Variants in TOM1L1 observed in about 807,000 individuals in gnomAD.
TOM1L1 encodes the protein TOM1-like protein 1.
In TOM1L1, 64 loss-of-function variants were observed where a neutral mutation model predicts 63.4. The ratio of observed to expected loss-of-function variants is 1.01; its 90% CI spans 0.83 to 1.24. The LOEUF is 1.24. Ranked by LOEUF, TOM1L1 falls within the 50% of genes most tolerant of loss-of-function variation. TOM1L1 has a pLI of 0.00. For synonymous variants in TOM1L1, 166 were observed against 194.4 expected, an observed-to-expected ratio of 0.85 and a Z score of 1.22; for missense variants, 536 against 567.0, an observed-to-expected ratio of 0.95 and a Z score of 0.55.
intron 7 of TOM1L1, among the ~76,000 whole-genome samples, chr17:54,921,479 T>C (rs7213644): frequency 0.6 from 91,783 of 151,978 alleles, 28,203 homozygotes; most frequent in African/African-American, 0.69. Flanking sequence ...GTGGCTCACA[T>C]CTGTAATCCC....
intron 3 of TOM1L1, among the ~76,000 whole-genome samples, chr17:54,911,664 G>A (rs1371454660): frequency 6.6e-6 from 1 of 152,006 alleles, no homozygotes; most frequent in African/African-American, 2.4e-5. Flanking sequence ...TCCTTTTCTT[G>A]TACCCACATC....
intron 1 of TOM1L1, chr17:54,901,180 A>C: frequency 1.8e-6 from 1 of 560,600 alleles, no homozygotes; most frequent in East Asian, 3.0e-5. Context: ...GGAACCAAAC[A>C]GGTGAACCGC....
chr17:54,952,781 T>G (rs1218030437), intron 14 of TOM1L1: 1 of 152,278 alleles, frequency 6.6e-6, no homozygotes, highest in African/African-American at 2.4e-5. Context: ...GCCCCAAGTC[T>G]GGAACTTCCC....
intron 3 of TOM1L1, among the ~76,000 whole-genome samples, chr17:54,908,856 A>C (rs2048453657): frequency 6.6e-6 from 1 of 152,132 alleles, no homozygotes; most frequent in Non-Finnish European, 1.5e-5. Context: ...TTTGTGGAGC[A>C]CCCCCTAAGC....
At chr17:54,931,146 G>C (rs902803848) in intron 8 of TOM1L1, among the ~76,000 whole-genome samples, 6 of 152,196 alleles carry the variant, frequency 3.9e-5, no homozygotes, top group Admixed American at 2.0e-4. Flanking sequence ...TTTCTAATCA[G>C]CTGATAAAGA....
At chr17:54,905,451 T>C (rs372242794) in intron 2 of TOM1L1, 38 bp from the exon 3 acceptor site, 292 of 1,368,278 alleles carry the variant, frequency 2.1e-4, no homozygotes, top group Non-Finnish European at 2.9e-4. Flanking sequence ...TTTTCAGCAA[T>C]GCCTAAATTG....
At chr17:54,952,361 A>T (rs1359812225) in intron 14 of TOM1L1, 9 of 152,058 alleles carry the variant, frequency 5.9e-5, no homozygotes, top group African/African-American at 2.2e-4. Context: ...AGCCTGGGCA[A>T]CATGGTGAAA....
chr17:54,906,338 G>A (rs932553601), intron 3 of TOM1L1, among the ~76,000 whole-genome samples: 18 of 151,970 alleles, frequency 1.2e-4, no homozygotes, highest in Admixed American at 3.3e-4. Flanking sequence ...GCGTGGTGGC[G>A]TGTGCCTGTA....
intron 14 of TOM1L1, among the ~76,000 whole-genome samples, chr17:54,960,039 T>C (rs1359550196): frequency 6.6e-6 from 1 of 152,166 alleles, no homozygotes; most frequent in African/African-American, 2.4e-5. Context: ...ATTGGTTCTA[T>C]GAAATACATA....
intron 7 of TOM1L1, 112 bp downstream of exon 7, chr17:54,915,974 TC>T (rs765333904): frequency 1.9e-5 from 13 of 693,242 alleles, no homozygotes; most frequent in Non-Finnish European, 2.9e-5. Flanking sequence ...TCCTCCTACA[TC>T]CTGATTTCAG....
At chr17:54,932,205 C>T (rs1321577950) in intron 8 of TOM1L1, among the ~76,000 whole-genome samples, 3 of 152,174 alleles carry the variant, frequency 2.0e-5, no homozygotes, top group Admixed American at 1.3e-4. Flanking sequence ...AATTCCTGTC[C>T]GTTTTAAGGG....
At chr17:54,904,025 T>C (rs2048369621) in intron 2 of TOM1L1, among the ~76,000 whole-genome samples, 1 of 152,156 alleles carries the variant, frequency 6.6e-6, no homozygotes, top group African/African-American at 2.4e-5. Flanking sequence ...GCAGTTTCTT[T>C]AATAGTTTCA....
intron 8 of TOM1L1, among the ~76,000 whole-genome samples, chr17:54,935,331 T>C (rs974517063): frequency 7.2e-5 from 11 of 152,120 alleles, no homozygotes; most frequent in African/African-American, 2.2e-4. Flanking sequence ...CACAAGGTAA[T>C]GTCATCAGTT....
intron 7 of TOM1L1, among the ~76,000 whole-genome samples, chr17:54,920,941 C>T (rs183302706): frequency 2.8e-4 from 39 of 141,226 alleles, no homozygotes; most frequent in African/African-American, 1.1e-3. Flanking sequence ...ACTCTCTCCA[C>T]CAAGAACCGA....
chr17:54,902,893 A>C (rs2048350664), intron 1 of TOM1L1, among the ~76,000 whole-genome samples: 1 of 152,202 alleles, frequency 6.6e-6, no homozygotes, highest in Non-Finnish European at 1.5e-5. Context: ...AGCCTGGTGC[A>C]GCTGTGGTTA....
intron 7 of TOM1L1, among the ~76,000 whole-genome samples, chr17:54,922,129 A>G (rs761852399): frequency 6.6e-6 from 1 of 151,668 alleles, no homozygotes; most frequent in Non-Finnish European, 1.5e-5. Context: ...CATCTCTACT[A>G]AAAAATACAA....
At chr17:54,930,429 G>A (rs2048839893) in intron 8 of TOM1L1, 2 of 476,742 alleles carry the variant, frequency 4.2e-6, no homozygotes, top group Non-Finnish European at 7.2e-6. Flanking sequence ...TTTCAGCCCA[G>A]CATGGTGGCT....
intron 3 of TOM1L1, among the ~76,000 whole-genome samples, chr17:54,908,780 G>C (rs190622862): frequency 9.2e-5 from 14 of 152,332 alleles, no homozygotes; most frequent in African/African-American, 3.4e-4. Context: ...CTCAGCAAGA[G>C]GCTACTATTA....
chr17:54,921,286 G>T lies in TOM1L1; in HGVS notation c.720+5424G>T, dbSNP rs193199517. The stretch of plus-strand genomic sequence containing the variant: ...TATTTTTAATATCTAGCATTTTTAG[G>T]TATTTTGTTATGAGAAAGGTTTTCA... On this transcript the variant is annotated intron_variant, in intron 7 of 15. Coordinates refer to ENST00000575882, the MANE Select transcript of TOM1L1 (RefSeq NM_005486.3). Among the ~76,000 whole-genome samples, 3 of 152,182 alleles carry T rather than the reference G, an allele frequency of 2.0e-5. No individual in the cohort carries two copies. In the East Asian group the frequency reaches 5.8e-4, roughly 29 times the overall value.
Sources: allele counts gnomAD v4.1 joint callset (sites outside exome capture counted in the v4.1 genomes callset), GRCh38; gene constraint gnomAD v4.1.1; transcripts MANE v1.5; gene names NCBI Gene and HGNC (gene_info 2026-07-23, HGNC 2026-07-21).